The following DENND10 variants were observed in gnomAD, a reference collection of about 807,000 sequenced individuals.
DENND10 encodes the protein DENN domain-containing protein 10.
Under a neutral mutation model 43.6 loss-of-function variants are expected in DENND10, and 24 were observed. The observed-to-expected ratio is 0.55, with a 90% CI of 0.40 to 0.77. The LOEUF (loss-of-function observed/expected upper bound fraction) is 0.77, where lower values mean the gene tolerates loss of function less well. Among genes scored for constraint, DENND10 ranks in the 30% least tolerant of loss-of-function variants. DENND10 has a pLI of 0.00. For missense variants in DENND10, 303 were observed against 429.9 expected (o/e 0.70, Z 2.61); for synonymous variants, 125 against 157.6 (o/e 0.79, Z 1.55).
At chr10:119,122,402 T>C (rs1470858279) in intron 5 of DENND10, among the ~76,000 whole-genome samples, 1 of 152,180 alleles carries the variant, frequency 6.6e-6, no homozygotes, top group African/African-American at 2.4e-5. Context: ...TTGTTAAGAC[T>C]GGAAATAATT....
chr10:119,104,315 G>T, intron 1 of DENND10, 118 bp downstream of exon 1: 1 of 956,346 alleles, frequency 1.0e-6, no homozygotes, highest in South Asian at 1.7e-5. Flanking sequence ...AGGAGGGCGC[G>T]GCCCCCTCCC....
rs111813037 is a variant in DENND10, at chr10:119,117,538, A to G, written c.352A>G (p.Ser118Gly). 1 of 1,613,168 alleles carries G rather than the reference A, an allele frequency of 6.2e-7. No homozygotes were observed. Among genetic ancestry groups the G allele is most frequent in the Non-Finnish European group, 8.5e-7 (1 of 1,179,558 alleles). Residue 118 changes from serine to glycine, a missense_variant, in exon 4 of 9, where the codon AGC (serine) becomes GGC (glycine). Ser to Gly is a moderately conservative substitution (Grantham distance 56). Transcript: ENST00000361432. The part of the protein sequence containing the change: ...ILCRMYLKHG[S>G]PVKMMESYIA... ...TTACAGAATGTACCTGAAACATGGGAGCCCAGTTAAAATGATGGAGAGTTA... is the reference window on the plus strand; with the variant it reads ...TTACAGAATGTACCTGAAACATGGGGGCCCAGTTAAAATGATGGAGAGTTA...
intron 3 of DENND10, among the ~76,000 whole-genome samples, chr10:119,116,665 CTTTTTTTTT>C (rs71016543): frequency 1.5e-5 from 2 of 132,206 alleles, no homozygotes; most frequent in Admixed American, 8.0e-5. Context: ...TTCTTTCTTT[CTTTTTTTTT>C]TTTTTTTTTT....
chr10:119,121,390 C>T (rs922018683), intron 5 of DENND10, among the ~76,000 whole-genome samples: 1 of 150,390 alleles, frequency 6.6e-6, no homozygotes, highest in East Asian at 1.9e-4. Flanking sequence ...AAGTGATTCT[C>T]CTGCCTCCGT....
chr10:119,112,496 T>TC, intron 3 of DENND10, among the ~76,000 whole-genome samples: 1 of 147,210 alleles, frequency 6.8e-6, no homozygotes, highest in East Asian at 1.9e-4. Flanking sequence ...TCTTTTTCTT[T>TC]TTTTTTTTTT....
intron 3 of DENND10, among the ~76,000 whole-genome samples, chr10:119,117,175 C>T (rs1845328987): frequency 6.6e-6 from 1 of 151,778 alleles, no homozygotes; most frequent in Non-Finnish European, 1.5e-5. Flanking sequence ...AGTTTGAGAC[C>T]AGCCTGGCCA....
Position 119,132,773 on chromosome 10 carries a change from G to C in DENND10, c.897+164G>C, listed in dbSNP as rs1352319580. ...GGCCACAGTGATGATGGACAAGCAG[G>C]TGCAGGCTGGCCTGATCTAGTTAGT... On this transcript the variant is annotated intron_variant, in intron 8 of 8. Transcript: ENST00000361432. This position sits in a 1 kb window ranked among gnomAD's most constrained non-coding sequence, Gnocchi z 4.2. 3 of 650,506 alleles carry C rather than the reference G, an allele frequency of 4.6e-6. No homozygotes were observed. The East Asian group carries it at 8.1e-5, about 18-fold the overall frequency. The allele number at this position is 650,506 out of a possible 1,614,324, so 40.3% of individuals were successfully genotyped here.
At chr10:119,136,244 TGGAGTGCAG>T (rs1341413012) in intron 8 of DENND10, among the ~76,000 whole-genome samples, 1 of 129,366 alleles carries the variant, frequency 7.7e-6, no homozygotes, top group Non-Finnish European at 1.8e-5. Context: ...TTGCCCAGGC[TGGAGTGCAG>T]TGGTGCAATC....
chr10:119,121,321 G>C (rs903997451), intron 5 of DENND10, among the ~76,000 whole-genome samples: 9 of 150,440 alleles, frequency 6.0e-5, no homozygotes, highest in Non-Finnish European at 1.2e-4. Flanking sequence ...ATTTTTTGTC[G>C]AGATGGGGTT....
chr10:119,135,939 G>A (rs1426644633), intron 8 of DENND10, among the ~76,000 whole-genome samples: 1 of 151,968 alleles, frequency 6.6e-6, no homozygotes, highest in African/African-American at 2.4e-5. Flanking sequence ...AGTTTGGGAA[G>A]CCAAGGTGGG....
chr10:119,116,496 T>C (rs1033763191), intron 3 of DENND10, among the ~76,000 whole-genome samples: 1 of 152,142 alleles, frequency 6.6e-6, no homozygotes, highest in African/African-American at 2.4e-5. Context: ...CAGTTGTGAA[T>C]GTAAGACACA....
At chr10:119,127,697 A>G (rs925783466) in intron 6 of DENND10, among the ~76,000 whole-genome samples, 1 of 151,976 alleles carries the variant, frequency 6.6e-6, no homozygotes, top group East Asian at 2.0e-4. Flanking sequence ...CATGTTGCCC[A>G]GGCAGGCCTC....
chr10:119,128,048 C>T (rs949999599), intron 6 of DENND10, among the ~76,000 whole-genome samples: 4 of 152,170 alleles, frequency 2.6e-5, no homozygotes, highest in Non-Finnish European at 5.9e-5. Context: ...TGGGATGGCT[C>T]ATGCCTGTAA....
Position 119,110,460 on chromosome 10 carries a change from G to GT in DENND10, c.253-1382dup, listed in dbSNP as rs1844923126. On this transcript the variant is annotated intron_variant, in intron 2 of 8. Transcript: ENST00000361432. ...TATAGAGGCATATAAGTAAATGAAG[G>GT]TTTTTTTCTTTTTTTGAGACAAAGT... Among the ~76,000 whole-genome samples the GT allele has an allele frequency of 1.2e-4, 18 of 151,070 alleles. No homozygotes were observed. In the South Asian group the frequency reaches 3.8e-3, roughly 32 times the overall value.
intron 3 of DENND10, among the ~76,000 whole-genome samples, chr10:119,116,083 A>G (rs980708122): frequency 6.6e-6 from 1 of 152,070 alleles, no homozygotes; most frequent in African/African-American, 2.4e-5. Flanking sequence ...TCTGTCTTAA[A>G]TATGTTTTAT....
chr10:119,122,370 A>G (rs1845617746), intron 5 of DENND10, among the ~76,000 whole-genome samples: 1 of 152,190 alleles, frequency 6.6e-6, no homozygotes, highest in South Asian at 2.1e-4. Context: ...TAAAATGAAG[A>G]TCGTAATATC....
At position 119,108,063 on chromosome 10, in the gene DENND10, G is replaced by T; in HGVS notation, c.151G>T (p.Asp51Tyr). ...NLLLRKCCLT[D>Y]ENKLLHPFVF... ...GCTGCTGAGAAAATGCTGCCTTACAGATGAAAACAAACTTCTCCATCCCTT... is the reference window on the plus strand; with the variant it reads ...GCTGCTGAGAAAATGCTGCCTTACATATGAAAACAAACTTCTCCATCCCTT... The change falls in exon 2 of 9, where the codon GAT becomes TAT. Residue 51 changes from aspartate to tyrosine, a missense_variant. Asp to Tyr is a radical substitution (Grantham distance 160). Coordinates refer to ENST00000361432, the MANE Select transcript of DENND10 (RefSeq NM_207009.4). The T allele has an allele frequency of 6.2e-7, 1 of 1,613,380 alleles. No individual in the cohort carries two copies. The highest frequency in any genetic ancestry group is 8.5e-7 in the Non-Finnish European group (1 of 1,179,424).
At chr10:119,126,409 C>T (rs1476145296) in intron 6 of DENND10, among the ~76,000 whole-genome samples, 1 of 152,164 alleles carries the variant, frequency 6.6e-6, no homozygotes, top group South Asian at 2.1e-4. Flanking sequence ...TACTAATTTA[C>T]ATTCCTACCA....
rs148298113 is a variant in DENND10 at position 119,117,724 on chromosome 10, T to C, written c.481+57T>C. Reference sequence around the variant, plus strand: ...GGCTCACGCCTGTAATCCCAACACTTTGGGAGGCCAAGGCGGGTGGATCAC... The same window carrying C: ...GGCTCACGCCTGTAATCCCAACACTCTGGGAGGCCAAGGCGGGTGGATCAC... On this transcript the variant is annotated intron_variant, in intron 4 of 8. Coordinates refer to ENST00000361432, the MANE Select transcript of DENND10 (RefSeq NM_207009.4). The C allele has an allele frequency of 4.8e-3, 7,629 of 1,578,028 alleles. 309 individuals carry two copies. In the African/African-American group the frequency reaches 0.091, roughly 19 times the overall value.
Sources: gnomAD v4.1 joint callset for allele counts (sites outside exome capture counted in the v4.1 genomes callset) on GRCh38, gnomAD v4.1.1 for gene constraint, Gnocchi (gnomAD v3.1) non-coding constraint, MANE v1.5 for transcripts, NCBI Gene and HGNC (gene_info 2026-07-23, HGNC 2026-07-21) for gene names.